Variants in NEURL1 observed in about 807,000 individuals in gnomAD.
NEURL1 encodes neuralized E3 ubiquitin protein ligase 1, also known as E3 ubiquitin-protein ligase NEURL1.
A neutral mutation model predicts 41.2 loss-of-function variants in NEURL1; 26 were observed. That is an observed-to-expected ratio of 0.63 (90% CI 0.46 to 0.87). The LOEUF (loss-of-function observed/expected upper bound fraction) is 0.87. Among genes scored for constraint, NEURL1 ranks in the 40% least tolerant of loss-of-function variants. The pLI, the probability that NEURL1 is intolerant of heterozygous loss-of-function variation, is 0.00. For synonymous variants in NEURL1, 400 were observed against 402.3 expected (o/e 0.99, Z 0.07); for missense variants, 761 against 871.1 (o/e 0.87, Z 1.59).
chr10:103,525,673 A>G (rs2034445848), intron 1 of NEURL1, among the ~76,000 whole-genome samples: 1 of 152,048 alleles, frequency 6.6e-6, no homozygotes, highest in South Asian at 2.1e-4. Flanking sequence ...TTTTCTATAT[A>G]TGATAGTTTA....
chr10:103,553,440 G>A (rs1026725508), intron 1 of NEURL1, among the ~76,000 whole-genome samples: 4 of 152,160 alleles, frequency 2.6e-5, no homozygotes, highest in East Asian at 1.9e-4. Context: ...GCTATGAGCC[G>A]GTATGTGCCT....
chr10:103,564,612 G>A (rs980930654), intron 1 of NEURL1, among the ~76,000 whole-genome samples: 2 of 152,230 alleles, frequency 1.3e-5, no homozygotes, highest in African/African-American at 4.8e-5. Flanking sequence ...GAAGACCAGG[G>A]TTCAAGTCCC....
intron 5 of NEURL1, 84 bp downstream of exon 5, chr10:103,589,744 G>A (rs906085651): frequency 7.9e-6 from 12 of 1,516,834 alleles, no homozygotes; most frequent in Non-Finnish European, 1.1e-5. Context: ...GCTGGGAGTG[G>A]AGAGGAGCTG....
intron 1 of NEURL1, among the ~76,000 whole-genome samples, chr10:103,496,130 C>A (rs1431937347): frequency 6.6e-6 from 1 of 150,444 alleles, no homozygotes; most frequent in Non-Finnish European, 1.5e-5. Context: ...AAAAAAAAAT[C>A]AGTTTGTTGA....
At chr10:103,555,557 C>G (rs2035134442) in intron 1 of NEURL1, 1 of 599,556 alleles carries the variant, frequency 1.7e-6, no homozygotes, top group Non-Finnish European at 2.3e-6. Context: ...TGTGGGGGCA[C>G]CTTTTGGTGG....
At chr10:103,498,656 T>C (rs544192766) in intron 1 of NEURL1, among the ~76,000 whole-genome samples, 15 of 152,274 alleles carry the variant, frequency 9.9e-5, no homozygotes, top group African/African-American at 2.9e-4. Context: ...ATTTTTATCA[T>C]CCCAAAAGGA....
chr10:103,495,670 G>A (rs550871935), intron 1 of NEURL1, among the ~76,000 whole-genome samples: 30 of 152,218 alleles, frequency 2.0e-4, no homozygotes, highest in Non-Finnish European at 3.4e-4. Flanking sequence ...CCAGGGAAGA[G>A]GAGGAGAGAT....
Position 103,511,539 on chromosome 10 carries a change from A to G in NEURL1, c.85+17067A>G, listed in dbSNP as rs117883235. On this transcript the variant is annotated intron_variant, in intron 1 of 5. Transcript: ENST00000369780. ...CTTTGTCTTGGCTCCCTGGGCCTCAAAGCTTAACTTCTCCATGTCCTAATT... is the reference window on the plus strand; with the variant it reads ...CTTTGTCTTGGCTCCCTGGGCCTCAGAGCTTAACTTCTCCATGTCCTAATT... Among the ~76,000 whole-genome samples the G allele has an allele frequency of 1.5e-3, 221 of 152,334 alleles. 8 individuals carry two copies. In the East Asian group the frequency reaches 0.031, roughly 21 times the overall value.
chr10:103,540,298 T>TTTA (rs1554892608), intron 1 of NEURL1, among the ~76,000 whole-genome samples: 6 of 151,728 alleles, frequency 4.0e-5, no homozygotes, highest in African/African-American at 1.5e-4. Flanking sequence ...ACTTTTTTTT[T>TTTA]AAATTTTTTG....
chr10:103,562,426 G>A (rs1466810220), intron 1 of NEURL1, among the ~76,000 whole-genome samples: 1 of 152,158 alleles, frequency 6.6e-6, no homozygotes, highest in Non-Finnish European at 1.5e-5. Flanking sequence ...CTCTGCCCTA[G>A]GGAGGCTCAC....
At chr10:103,523,995 T>C (rs2034411034) in intron 1 of NEURL1, among the ~76,000 whole-genome samples, 1 of 152,194 alleles carries the variant, frequency 6.6e-6, no homozygotes. Context: ...GTTCTGTTTT[T>C]AGTTTTTCTG....
chr10:103,494,850 G>C, intron 1 of NEURL1: 1 of 234,188 alleles, frequency 4.3e-6, no homozygotes, highest in Non-Finnish European at 8.2e-6. Flanking sequence ...CTTTCCATCG[G>C]CCCTAGGGCT....
chr10:103,576,535 G>T (rs1834393528), intron 3 of NEURL1, among the ~76,000 whole-genome samples: 1 of 152,146 alleles, frequency 6.6e-6, no homozygotes, highest in Non-Finnish European at 1.5e-5. Context: ...GGACTGGCTG[G>T]TTGACAGTGG....
intron 1 of NEURL1, among the ~76,000 whole-genome samples, chr10:103,536,891 C>T (rs1426386458): frequency 1.3e-5 from 2 of 152,184 alleles, no homozygotes; most frequent in Non-Finnish European, 2.9e-5. Context: ...CAAACTGGAA[C>T]CCTGTACCCA....
intron 1 of NEURL1, among the ~76,000 whole-genome samples, chr10:103,505,364 C>T (rs1245690842): frequency 6.6e-6 from 1 of 152,014 alleles, no homozygotes; most frequent in Admixed American, 6.6e-5. Flanking sequence ...GCTGGGATTA[C>T]AGGCACCTAC....
chr10:103,505,605 T>A (rs1358244224), intron 1 of NEURL1, among the ~76,000 whole-genome samples: 1 of 152,202 alleles, frequency 6.6e-6, no homozygotes, highest in Non-Finnish European at 1.5e-5. Context: ...CCTCAAGTGA[T>A]CCTCCCACCT....
chr10:103,523,471 A>G (rs1055766761), intron 1 of NEURL1, among the ~76,000 whole-genome samples: 2 of 151,994 alleles, frequency 1.3e-5, no homozygotes, highest in Non-Finnish European at 2.9e-5. Context: ...AAAAAAGAAA[A>G]GAAAAAGAAA....
intron 1 of NEURL1, among the ~76,000 whole-genome samples, chr10:103,513,569 G>C (rs2034125705): frequency 6.6e-6 from 1 of 152,234 alleles, no homozygotes; most frequent in Admixed American, 6.5e-5. Flanking sequence ...CTCAGGAATG[G>C]AGAGTGTCTG....
At chr10:103,585,693 G>C (rs1023129569) in intron 4 of NEURL1, among the ~76,000 whole-genome samples, 1 of 152,094 alleles carries the variant, frequency 6.6e-6, no homozygotes, top group Non-Finnish European at 1.5e-5. Flanking sequence ...AATTAGCGGG[G>C]CATGGTGGTG....
Sources: gnomAD v4.1 joint callset for allele counts (sites outside exome capture counted in the v4.1 genomes callset) on GRCh38, gnomAD v4.1.1 for gene constraint, MANE v1.5 for transcripts, NCBI Gene and HGNC (gene_info 2026-07-23, HGNC 2026-07-21) for gene names.